RASGRP3: variants seen among roughly 807,000 people sequenced by gnomAD.
RASGRP3 encodes the protein RAS guanyl releasing protein 3, also known as ras guanyl-releasing protein 3.
A neutral mutation model predicts 82.7 loss-of-function variants in RASGRP3; 54 were observed. The observed-to-expected ratio is 0.65, with a 90% CI of 0.52 to 0.82. The LOEUF (loss-of-function observed/expected upper bound fraction) is 0.82. Ranked by LOEUF, RASGRP3 falls within the 40% of genes least tolerant of loss-of-function variation. RASGRP3 has a pLI of 0.00. For missense variants in RASGRP3, 861 were observed against 828.9 expected (o/e 1.04, Z -0.48); for synonymous variants, 309 against 300.5 (o/e 1.03, Z -0.29).
chr2:33,451,885 A>G (rs1665818744), intron 2 of RASGRP3, among the ~76,000 whole-genome samples: 1 of 151,794 alleles, frequency 6.6e-6, no homozygotes, highest in Non-Finnish European at 1.5e-5. Context: ...TGTTTCATAA[A>G]TCCTATAGGC....
intron 1 of RASGRP3, among the ~76,000 whole-genome samples, chr2:33,447,430 G>C (rs552067091): frequency 5.1e-4 from 74 of 144,362 alleles, no homozygotes; most frequent in South Asian, 3.7e-3. Context: ...CCCAACCTTG[G>C]AGTGTGCACA....
rs921333375 is a variant in RASGRP3, at chr2:33,522,173, C to T, written c.516+71C>T. On this transcript the variant is annotated intron_variant, in intron 7 of 17. Transcript: ENST00000403687. ...CCAACTTTCCCAAGAGCTGCATTTT[C>T]ATACTCTGAAGTGTTGGCAGCTTCT... 4.0e-6 allele frequency: 6 copies of T among 1,513,022 alleles called. No individual in the cohort carries two copies. The African/African-American group carries it at 7.0e-5, about 18-fold the overall frequency. The allele number at this position is 1,513,022 out of a possible 1,614,324, so 93.7% of individuals were successfully genotyped here.
intron 2 of RASGRP3, among the ~76,000 whole-genome samples, chr2:33,459,809 G>A (rs542127590): frequency 1.3e-5 from 2 of 152,314 alleles, no homozygotes; most frequent in South Asian, 4.2e-4. Context: ...CTGGGGGACA[G>A]AGGCCTTATC....
At chr2:33,468,909 TA>T in intron 2 of RASGRP3, among the ~76,000 whole-genome samples, 1 of 152,224 alleles carries the variant, frequency 6.6e-6, no homozygotes, top group Non-Finnish European at 1.5e-5. Context: ...ATTCACATTT[TA>T]AAAAGCTTTT....
upstream of RASGRP3, chr2:33,476,207 C>T (rs1667352787): frequency 6.6e-6 from 1 of 152,188 alleles, no homozygotes; most frequent in Non-Finnish European, 1.5e-5. Context: ...CGAAACCAAA[C>T]AGTTGTACTC....
chr2:33,462,383 T>TC (rs1666422111), intron 2 of RASGRP3, among the ~76,000 whole-genome samples: 1 of 128,670 alleles, frequency 7.8e-6, no homozygotes, highest in Non-Finnish European at 1.8e-5. Flanking sequence ...TTTTTGTTTT[T>TC]CTTTTTTTTT....
At chr2:33,450,818 C>CTTTTGTTTTTTTTTTTTTTT (rs879744839) in intron 2 of RASGRP3, among the ~76,000 whole-genome samples, 1 of 43,420 alleles carries the variant, frequency 2.3e-5, no homozygotes, top group Admixed American at 3.3e-4. Context: ...CTCTTTCTTT[C>CTTTTGTTTTTTTTTTTTTTT]TTTCTTTTTT....
At chr2:33,501,379 A>G (rs927491289) in intron 1 of RASGRP3, among the ~76,000 whole-genome samples, 1 of 152,212 alleles carries the variant, frequency 6.6e-6, no homozygotes, top group African/African-American at 2.4e-5. Flanking sequence ...TAATACTGCT[A>G]TGAACATTTT....
chr2:33,539,093 G>C lies in RASGRP3; in HGVS notation c.1162-1G>C. 6.3e-7 allele frequency: 1 copy of C among 1,575,610 alleles called. No individual in the cohort carries two copies. The highest frequency in any genetic ancestry group is 8.6e-7 in the Non-Finnish European group (1 of 1,160,314). On this transcript the variant is annotated splice_acceptor_variant, in intron 11 of 17. Coordinates refer to ENST00000403687, the MANE Select transcript of RASGRP3 (RefSeq NM_001139488.2). LOFTEE classifies it high-confidence loss of function. ...TATGTGGTTTTTTTTTTGTTTATCA[G>C]CAGCCTACCTCCCCTACGACGCCCA...
intron 11 of RASGRP3, among the ~76,000 whole-genome samples, chr2:33,537,320 A>ACACACAC (rs771052774): frequency 1.2e-3 from 39 of 33,320 alleles, no homozygotes; most frequent in East Asian, 1.9e-3. Context: ...ACACACACAC[A>ACACACAC]CCGCCCCCCC....
At chr2:33,533,000 T>C (rs1673249806) in intron 10 of RASGRP3, 1 of 152,200 alleles carries the variant, frequency 6.6e-6, no homozygotes, top group African/African-American at 2.4e-5. Flanking sequence ...CCTCCTTCTT[T>C]CTTTTCCCCC....
At chr2:33,548,355 C>T (rs1675019668) in intron 13 of RASGRP3, among the ~76,000 whole-genome samples, 1 of 64,752 alleles carries the variant, frequency 1.5e-5, no homozygotes, top group Admixed American at 2.2e-4. Context: ...AGCGGGACTC[C>T]GTCTCAAAAA....
intron 1 of RASGRP3, among the ~76,000 whole-genome samples, chr2:33,441,372 TGAAGA>T (rs563904477): frequency 5.3e-5 from 8 of 152,312 alleles, no homozygotes; most frequent in East Asian, 3.9e-4. Context: ...AAGGTTATGC[TGAAGA>T]GAAAAGACCA....
chr2:33,456,712 T>C (rs1666054073), intron 2 of RASGRP3, among the ~76,000 whole-genome samples: 1 of 152,182 alleles, frequency 6.6e-6, no homozygotes, highest in African/African-American at 2.4e-5. Context: ...ATCACCACAA[T>C]TTTTAAAAAA....
chr2:33,478,949 TG>T (rs1209245148), intron 1 of RASGRP3, among the ~76,000 whole-genome samples: 1 of 152,224 alleles, frequency 6.6e-6, no homozygotes, highest in East Asian at 1.9e-4. Context: ...GATAGGAAAC[TG>T]AGGTTCTTGA....
rs1383116184 is a variant in RASGRP3 at position 33,524,637 on chromosome 2, G to A, written c.807+89G>A. On this transcript the variant is annotated intron_variant, in intron 9 of 17. Transcript: ENST00000403687. ...ATACGCCTAACAAATGTCACTCAGA[G>A]TGGGAAAGTTTTCCTCTTAAACCAG... is the stretch of plus-strand genomic sequence containing the variant. 6 of 1,017,556 alleles carry A rather than the reference G, an allele frequency of 5.9e-6. No homozygotes were observed. In the African/African-American group the frequency reaches 9.9e-5, roughly 17 times the overall value. 63.0% of individuals were successfully genotyped at this position (1,017,556 alleles called of 1,614,324 possible). A position where few individuals can be genotyped will look rare whatever the true frequency, so the allele number is the denominator to read the frequency against.
intron 1 of RASGRP3, among the ~76,000 whole-genome samples, chr2:33,479,432 A>T (rs1667682195): frequency 6.6e-6 from 1 of 152,110 alleles, no homozygotes; most frequent in East Asian, 1.9e-4. Context: ...GCCCCACCCC[A>T]AATAGCTGGC....
chr2:33,520,805 A>AT, intron 6 of RASGRP3, 121 bp downstream of exon 6: 1 of 1,384,832 alleles, frequency 7.2e-7, no homozygotes, highest in Non-Finnish European at 9.9e-7. Context: ...TTCTGTGAGG[A>AT]AAGCCTTGCT....
chr2:33,518,563 A>T (rs1671678738), intron 4 of RASGRP3, among the ~76,000 whole-genome samples: 1 of 152,208 alleles, frequency 6.6e-6, no homozygotes, highest in Non-Finnish European at 1.5e-5. Flanking sequence ...AATTAACCTT[A>T]GCTTACTGTA....
Sources: allele counts gnomAD v4.1 joint callset (sites outside exome capture counted in the v4.1 genomes callset), GRCh38; gene constraint gnomAD v4.1.1; transcripts MANE v1.5; gene names NCBI Gene and HGNC (gene_info 2026-07-23, HGNC 2026-07-21).